Variants in EPHA6 observed in about 807,000 individuals in gnomAD.
EPHA6 encodes the protein EPH receptor A6.
Under a neutral mutation model 112.0 loss-of-function variants are expected in EPHA6, and 50 were observed. The observed-to-expected ratio is 0.45, with a 90% CI of 0.36 to 0.56. EPHA6 has a LOEUF of 0.56. Among genes scored for constraint, EPHA6 ranks in the 20% least tolerant of loss-of-function variants. EPHA6 has a pLI of 0.00. For synonymous variants in EPHA6, 529 were observed against 490.7 expected, an observed-to-expected ratio of 1.08 and a Z score of -1.03; for missense variants, 1,280 against 1,417.4, an observed-to-expected ratio of 0.90 and a Z score of 1.56.
In EPHA6 at chr3:97,638,269, A is replaced by T. The variant is rs147999133; in HGVS notation, c.2784+187A>T. ...GTTTATAACAACAACAACAAAAAAGAAAACAAAAACTTTCATACCTGACTG... is the reference window on the plus strand; with the variant it reads ...GTTTATAACAACAACAACAAAAAAGTAAACAAAAACTTTCATACCTGACTG... On this transcript the variant is annotated intron_variant, in intron 14 of 17. Transcript: ENST00000389672. Among the ~76,000 whole-genome samples, 7 of 152,320 alleles carry T rather than the reference A, an allele frequency of 4.6e-5. No individual in the cohort carries two copies. The East Asian group carries it at 1.4e-3, about 29-fold the overall frequency.
chr3:97,082,569 T>G (rs2108203220), intron 3 of EPHA6, among the ~76,000 whole-genome samples: 1 of 152,062 alleles, frequency 6.6e-6, no homozygotes, highest in South Asian at 2.1e-4. Flanking sequence ...ACACTCCCTT[T>G]AAAGCTTTCA....
chr3:96,884,727 T>A (rs1371890510), intron 2 of EPHA6, among the ~76,000 whole-genome samples: 1 of 152,164 alleles, frequency 6.6e-6, no homozygotes. Context: ...TTCCTTCTTG[T>A]CTGATTGCTC....
chr3:97,246,602 G>T (rs1415574634), intron 5 of EPHA6, among the ~76,000 whole-genome samples: 1 of 151,494 alleles, frequency 6.6e-6, no homozygotes, highest in African/African-American at 2.4e-5. Context: ...ATTAAGAAAT[G>T]ATTATTGTTA....
intron 5 of EPHA6, among the ~76,000 whole-genome samples, chr3:97,359,610 C>T (rs963641600): frequency 1.3e-5 from 2 of 151,732 alleles, no homozygotes; most frequent in African/African-American, 2.4e-5. Context: ...AGTCATATTT[C>T]CTTGCTCCTT....
intron 5 of EPHA6, among the ~76,000 whole-genome samples, chr3:97,378,417 C>G (rs990122848): frequency 6.6e-6 from 1 of 152,164 alleles, no homozygotes; most frequent in African/African-American, 2.4e-5. Context: ...AATGTGGGGT[C>G]GGAGCCCCCA....
chr3:97,520,818 C>A (rs184582830), intron 10 of EPHA6, among the ~76,000 whole-genome samples: 1 of 152,258 alleles, frequency 6.6e-6, no homozygotes, highest in Non-Finnish European at 1.5e-5. Context: ...ATTGTCTTCA[C>A]CTTCTGGAAC....
chr3:97,512,928 A>T (rs900702479), intron 10 of EPHA6, among the ~76,000 whole-genome samples: 1 of 152,144 alleles, frequency 6.6e-6, no homozygotes, highest in Non-Finnish European at 1.5e-5. Context: ...TAGTGCAGAC[A>T]TTCTCCCATA....
In EPHA6 at chr3:97,352,981, C is replaced by T. The variant is rs540595567; in HGVS notation, c.1607-52169C>T. ...AAGTATCCTAAGGCAAAATAGGGCA[C>T]CAGGCAGAGTTCTAAGGCCCCCATC... On this transcript the variant is annotated intron_variant, in intron 5 of 17. Transcript: ENST00000389672. 7.8e-4 allele frequency among the ~76,000 whole-genome samples: 119 copies of T among 152,194 alleles called. 1 individual carries two copies. The highest frequency in any genetic ancestry group is 2.6e-3 in the African/African-American group (110 of 41,552).
chr3:97,297,009 A>G (rs1266960440), intron 5 of EPHA6, among the ~76,000 whole-genome samples: 1 of 152,152 alleles, frequency 6.6e-6, no homozygotes, highest in Admixed American at 6.5e-5. Flanking sequence ...ATGGCAACAT[A>G]GTGCAGCTGC....
At chr3:97,533,897 C>A (rs2092725062) in intron 11 of EPHA6, among the ~76,000 whole-genome samples, 1 of 152,146 alleles carries the variant, frequency 6.6e-6, no homozygotes, top group Non-Finnish European at 1.5e-5. Context: ...TCCACTACAA[C>A]TGCTATTAGA....
At chr3:96,896,938 A>G (rs1313169715) in intron 2 of EPHA6, among the ~76,000 whole-genome samples, 1 of 152,066 alleles carries the variant, frequency 6.6e-6, no homozygotes, top group Non-Finnish European at 1.5e-5. Flanking sequence ...TAAAACAGCT[A>G]TTTTCCCAAA....
chr3:97,018,640 C>T (rs1468631180), intron 3 of EPHA6, among the ~76,000 whole-genome samples: 1 of 152,198 alleles, frequency 6.6e-6, no homozygotes, highest in African/African-American at 2.4e-5. Context: ...ATCTAGAAGA[C>T]AGAGCCAGGT....
chr3:96,896,663 G>A (rs1162722468), intron 2 of EPHA6, among the ~76,000 whole-genome samples: 1 of 152,046 alleles, frequency 6.6e-6, no homozygotes, highest in Non-Finnish European at 1.5e-5. Flanking sequence ...ATGTAATTTT[G>A]ATTTTTGAGT....
chr3:97,589,500 C>T (rs9990073), intron 11 of EPHA6, among the ~76,000 whole-genome samples: 1 of 152,114 alleles, frequency 6.6e-6, no homozygotes, highest in South Asian at 2.1e-4. Flanking sequence ...CAGTATTTCT[C>T]AGTGGGTACT....
chr3:97,363,192 AT>A (rs2084481743), intron 5 of EPHA6, among the ~76,000 whole-genome samples: 1 of 18,718 alleles, frequency 5.3e-5, no homozygotes, highest in Admixed American at 3.7e-4. Flanking sequence ...ATATATATAT[AT>A]ATATATATAT....
intron 14 of EPHA6, among the ~76,000 whole-genome samples, chr3:97,654,303 C>T (rs2094124745): frequency 1.3e-5 from 2 of 151,704 alleles, no homozygotes; most frequent in Non-Finnish European, 2.9e-5. Flanking sequence ...GGGGAGAAAA[C>T]ATTAAATAAT....
chr3:96,911,239 T>C (rs1459258838), intron 2 of EPHA6, among the ~76,000 whole-genome samples: 1 of 152,080 alleles, frequency 6.6e-6, no homozygotes, highest in Non-Finnish European at 1.5e-5. Context: ...GTTAAATATT[T>C]TATTGAAAAC....
At chr3:96,843,104 A>T (rs931951737) in intron 1 of EPHA6, among the ~76,000 whole-genome samples, 4 of 152,128 alleles carry the variant, frequency 2.6e-5, no homozygotes, top group African/African-American at 9.7e-5. Flanking sequence ...CTGCAAGTTG[A>T]AAACGTCATC....
At position 96,838,314 on chromosome 3, in the gene EPHA6, G is replaced by A. The variant is rs972403387; in HGVS notation, c.385+23306G>A. Among the ~76,000 whole-genome samples the A allele has an allele frequency of 2.6e-5, 4 of 152,200 alleles. No individual in the cohort carries two copies. In the South Asian group the frequency reaches 6.2e-4, roughly 24 times the overall value. ...CAGTCTATCATTGATGGACATTTAG[G>A]TTGATTCCCTGTCTTTGCCATTGTG... On this transcript the variant is annotated intron_variant, in intron 1 of 17. Coordinates refer to ENST00000389672, the MANE Select transcript of EPHA6 (RefSeq NM_001080448.3).
Sources: gnomAD v4.1 joint callset for allele counts (sites outside exome capture counted in the v4.1 genomes callset) on GRCh38, gnomAD v4.1.1 for gene constraint, MANE v1.5 for transcripts, NCBI Gene and HGNC (gene_info 2026-07-23, HGNC 2026-07-21) for gene names.